The following ANKRD18A variants were observed in gnomAD, a reference collection of about 807,000 sequenced individuals.
ANKRD18A encodes ankyrin repeat domain 18A.
In ANKRD18A, 72 loss-of-function variants were observed where a neutral mutation model predicts 110.6. That is an observed-to-expected ratio of 0.65 (90% CI 0.54 to 0.79). The LOEUF (loss-of-function observed/expected upper bound fraction) is 0.79. Ranked by LOEUF, ANKRD18A falls within the 30% of genes least tolerant of loss-of-function variation. ANKRD18A has a pLI of 0.00. For synonymous variants in ANKRD18A, 305 were observed against 410.3 expected, an observed-to-expected ratio of 0.74 and a Z score of 3.10; for missense variants, 934 against 1,163.3, an observed-to-expected ratio of 0.80 and a Z score of 2.87.
chr9:38,613,369 A>G (rs1231887241), intron 3 of ANKRD18A, among the ~76,000 whole-genome samples: 1 of 152,158 alleles, frequency 6.6e-6, no homozygotes, highest in Non-Finnish European at 1.5e-5. Flanking sequence ...TTTAGACTAT[A>G]GCTCTTGTGT....
Position 38,577,128 on chromosome 9 carries a change from G to T in ANKRD18A, c.2666C>A (p.Thr889Asn). ...GGCTTCCTTAAATTCTTCTAATTCAGTTGTAACCTCTTCATAAGCAGTTTT... is the reference window on the plus strand; with the variant it reads ...GGCTTCCTTAAATTCTTCTAATTCATTTGTAACCTCTTCATAAGCAGTTTT... ...KMKTAYEEVT[T>N]ELEEFKEAFA... Residue 889 changes from threonine (T) to asparagine (N), a missense_variant, in exon 14 of 16, where the codon ACT becomes AAT. Around this residue, in one of 4 missense-constraint regions of ANKRD18A, gnomAD observed 223 missense variants for 226.7 expected, o/e 0.98. Coordinates refer to ENST00000399703, the MANE Select transcript of ANKRD18A (RefSeq NM_147195.4). 6.5e-7 allele frequency: 1 copy of T among 1,549,610 alleles called. No individual in the cohort carries two copies. Among genetic ancestry groups the T allele is most frequent in the Admixed American group, 2.0e-5 (1 of 50,872 alleles).
downstream of ANKRD18A, chr9:38,571,222 T>C (rs1220152792): frequency 1.6e-6 from 2 of 1,264,358 alleles, no homozygotes; most frequent in Non-Finnish European, 1.1e-6. Context: ...GAAAATACAT[T>C]AGTTTAGAAC....
At chr9:38,574,880 G>A (rs1209943139) in intron 15 of ANKRD18A, among the ~76,000 whole-genome samples, 7 of 151,984 alleles carry the variant, frequency 4.6e-5, no homozygotes, top group Non-Finnish European at 1.0e-4. Flanking sequence ...TGGATAACAA[G>A]GTCAAGAGTT....
At position 38,610,268 on chromosome 9, in the gene ANKRD18A, C is replaced by T; in HGVS notation, c.740+5G>A. ...ATTAACCGGTCTTTTAATATAAGCA[C>T]ATACCTTCTCAAATCAGAACAAAGA... On this transcript the variant is annotated splice_donor_5th_base_variant and intron_variant, in intron 5 of 15. Transcript: ENST00000399703. 3 of 1,533,038 alleles carry T rather than the reference C, an allele frequency of 2.0e-6. No homozygotes were observed. Among genetic ancestry groups the T allele is most frequent in the Non-Finnish European group, 2.6e-6 (3 of 1,140,962 alleles). 95.0% of individuals were successfully genotyped at this position (1,533,038 alleles called of 1,614,324 possible).
intron 7 of ANKRD18A, among the ~76,000 whole-genome samples, chr9:38,601,939 T>C (rs1411796094): frequency 1.3e-5 from 2 of 148,408 alleles, no homozygotes; most frequent in Non-Finnish European, 3.0e-5. Context: ...GTCTCGGTCA[T>C]GCCATTGCAC....
At chr9:38,609,773 G>A (rs1825523977) in intron 5 of ANKRD18A, among the ~76,000 whole-genome samples, 3 of 152,176 alleles carry the variant, frequency 2.0e-5, no homozygotes, top group Middle Eastern at 3.4e-3. Flanking sequence ...GAAGGCATAG[G>A]AGGTAGCCCT....
intron 8 of ANKRD18A, among the ~76,000 whole-genome samples, chr9:38,599,743 T>C (rs1234356267): frequency 6.6e-6 from 1 of 152,132 alleles, no homozygotes; most frequent in East Asian, 1.9e-4. Context: ...GGATTACAGG[T>C]GTGAGCCACC....
intron 11 of ANKRD18A, among the ~76,000 whole-genome samples, chr9:38,587,189 T>G (rs1163716601): frequency 6.6e-6 from 1 of 152,156 alleles, no homozygotes; most frequent in African/African-American, 2.4e-5. Context: ...GAGAGATATG[T>G]GATGATTTAA....
chr9:38,590,654 G>C (rs895261013), intron 10 of ANKRD18A, among the ~76,000 whole-genome samples: 1 of 152,206 alleles, frequency 6.6e-6, no homozygotes, highest in Non-Finnish European at 1.5e-5. Context: ...GATATGGCAT[G>C]ATGAACATCT....
chr9:38,592,161 G>C (rs188200511), intron 10 of ANKRD18A, among the ~76,000 whole-genome samples: 1 of 152,252 alleles, frequency 6.6e-6, no homozygotes, highest in East Asian at 1.9e-4. Flanking sequence ...ATATTTAATT[G>C]CTAAAAATAC....
chr9:38,613,037 A>G (rs1825704446), intron 3 of ANKRD18A, among the ~76,000 whole-genome samples: 1 of 152,082 alleles, frequency 6.6e-6, no homozygotes, highest in African/African-American at 2.4e-5. Context: ...TATAGACTAT[A>G]TATTATGAAC....
chr9:38,592,839 T>C (rs541323980), intron 10 of ANKRD18A, among the ~76,000 whole-genome samples: 114 of 152,308 alleles, frequency 7.5e-4, no homozygotes, highest in Non-Finnish European at 1.2e-3. Flanking sequence ...AAGGACTTCA[T>C]ATTGTATGAC....
chr9:38,616,882 G>A (rs187599223), intron 1 of ANKRD18A, among the ~76,000 whole-genome samples: 1 of 152,248 alleles, frequency 6.6e-6, no homozygotes, highest in Admixed American at 6.5e-5. Flanking sequence ...TATTGGAGTG[G>A]TATTTATAAT....
rs759539508 is a variant in ANKRD18A, at chr9:38,620,036, G to C, written c.206+44C>G. 9 of 1,544,444 alleles carry C rather than the reference G, an allele frequency of 5.8e-6. No homozygotes were observed. In the South Asian group the frequency reaches 6.0e-5, roughly 10 times the overall value. ...GGGGCTGCCGGGCTGCAGGGAAGCC[G>C]GGCCTGCGGCCCCCTCCCACCGCGG... is the stretch of plus-strand genomic sequence containing the variant. On this transcript the variant is annotated intron_variant, in intron 1 of 15. Coordinates refer to ENST00000399703, the MANE Select transcript of ANKRD18A (RefSeq NM_147195.4).
At chr9:38,598,123 C>A (rs1335949280) in intron 8 of ANKRD18A, among the ~76,000 whole-genome samples, 1 of 152,182 alleles carries the variant, frequency 6.6e-6, no homozygotes, top group Non-Finnish European at 1.5e-5. Flanking sequence ...TTTCATGTCT[C>A]TTCTCAGTCA....
intron 10 of ANKRD18A, among the ~76,000 whole-genome samples, chr9:38,589,491 A>T (rs1824540444): frequency 6.6e-6 from 1 of 152,252 alleles, no homozygotes; most frequent in Admixed American, 6.5e-5. Context: ...CCGTGCTTTC[A>T]CACCACTGTA....
In ANKRD18A at chr9:38,571,835, A is replaced by G; in HGVS notation, c.*210T>C. ...TTAAAATAACATATAAATATACACC[A>G]TATGTGACATGAAAATATTCTACTT... is the stretch of plus-strand genomic sequence containing the variant. On this transcript the variant is annotated 3_prime_UTR_variant, in exon 16 of 16. Coordinates refer to ENST00000399703, the MANE Select transcript of ANKRD18A (RefSeq NM_147195.4). 1 of 1,263,438 alleles carries G rather than the reference A, an allele frequency of 7.9e-7. No individual in the cohort carries two copies. Among genetic ancestry groups the G allele is most frequent in the Non-Finnish European group, 1.0e-6 (1 of 996,418 alleles). 78.3% of individuals were successfully genotyped at this position (1,263,438 alleles called of 1,614,324 possible).
Position 38,575,410 on chromosome 9 carries a change from T to C in ANKRD18A, c.2964+66A>G, listed in dbSNP as rs1823838091. The C allele has an allele frequency of 5.6e-6, 8 of 1,429,168 alleles. No homozygotes were observed. In the Middle Eastern group the frequency reaches 1.0e-3, roughly 181 times the overall value. The allele number at this position is 1,429,168 out of a possible 1,614,324, so 88.5% of individuals were successfully genotyped here. A position where few individuals can be genotyped will look rare whatever the true frequency, so the allele number is the denominator to read the frequency against. Reference sequence around the variant, plus strand: ...TAAGTCAACAGAACTCAGTATTTCATCAAATTATAGACAAGAATTATATTA... The same window carrying C: ...TAAGTCAACAGAACTCAGTATTTCACCAAATTATAGACAAGAATTATATTA... On this transcript the variant is annotated intron_variant, in intron 15 of 15. Transcript: ENST00000399703.
chr9:38,592,270 A>G (rs1175435962), intron 10 of ANKRD18A, among the ~76,000 whole-genome samples: 2 of 152,254 alleles, frequency 1.3e-5, no homozygotes, highest in Non-Finnish European at 2.9e-5. Context: ...ACTATTTTCA[A>G]TTTATAGAAG....
Sources: gnomAD v4.1 joint callset for allele counts (sites outside exome capture counted in the v4.1 genomes callset) on GRCh38, gnomAD v4.1.1 for gene constraint, gnomAD v4.1.1 regional missense constraint, MANE v1.5 for transcripts, NCBI Gene and HGNC (gene_info 2026-07-23, HGNC 2026-07-21) for gene names.